ABAT: variants seen among roughly 807,000 people sequenced by gnomAD.
The protein encoded by ABAT is 4-aminobutyrate aminotransferase, mitochondrial.
ABAT carries 45 observed loss-of-function variants against 64.6 expected under a neutral mutation model. The observed-to-expected ratio is 0.70, with a 90% CI of 0.55 to 0.89. The LOEUF (loss-of-function observed/expected upper bound fraction) is 0.89, where lower values mean the gene tolerates loss of function less well. Ranked by LOEUF, ABAT falls within the 40% of genes least tolerant of loss-of-function variation. The probability of loss-of-function intolerance (pLI) is 0.00; values close to 1 mark genes in which losing one functional copy is unlikely to be tolerated. For synonymous variants in ABAT, 297 were observed against 250.5 expected, an observed-to-expected ratio of 1.19 and a Z score of -1.75; for missense variants, 633 against 658.4, an observed-to-expected ratio of 0.96 and a Z score of 0.42.
chr16:8,719,186 C>T (rs2058295872), intron 1 of ABAT, among the ~76,000 whole-genome samples: 1 of 152,120 alleles, frequency 6.6e-6, no homozygotes, highest in Non-Finnish European at 1.5e-5. Flanking sequence ...CACAGGTGTG[C>T]AGAAAGCATT....
chr16:8,735,869 G>T, intron 2 of ABAT, 60 bp downstream of exon 2: 1 of 1,458,458 alleles, frequency 6.9e-7, no homozygotes. Context: ...CCAGACTAGG[G>T]ATTCCTGGGC....
intron 1 of ABAT, chr16:8,705,426 T>A (rs140654467): frequency 1.3e-5 from 2 of 152,066 alleles, no homozygotes; most frequent in Non-Finnish European, 2.9e-5. Context: ...AAGATGAAAT[T>A]TGGGTGGGGA....
intron 6 of ABAT, among the ~76,000 whole-genome samples, chr16:8,760,798 C>T (rs1280434640): frequency 6.6e-6 from 1 of 152,190 alleles, no homozygotes; most frequent in African/African-American, 2.4e-5. Context: ...ATTCCGGCTG[C>T]ATGTGGTGGC....
At chr16:8,766,116 C>G (rs995097574) in intron 8 of ABAT, 92 bp from the exon 9 acceptor site, 2 of 1,242,764 alleles carry the variant, frequency 1.6e-6, no homozygotes, top group Non-Finnish European at 2.4e-6. Context: ...GCACTTTCTA[C>G]TTGTCTGGAC....
chr16:8,686,806 G>A (rs1309285890), intron 1 of ABAT, among the ~76,000 whole-genome samples: 1 of 152,176 alleles, frequency 6.6e-6, no homozygotes, highest in East Asian at 1.9e-4. Context: ...TGCACCTAAT[G>A]ATCACAGCAG....
At chr16:8,771,057 A>G (rs2060091345) in intron 11 of ABAT, among the ~76,000 whole-genome samples, 1 of 152,146 alleles carries the variant, frequency 6.6e-6, no homozygotes, top group African/African-American at 2.4e-5. Flanking sequence ...ACACTTTGGG[A>G]GGTTGAGGCG....
intron 1 of ABAT, among the ~76,000 whole-genome samples, chr16:8,682,352 G>A (rs1211798188): frequency 6.6e-6 from 1 of 152,104 alleles, no homozygotes; most frequent in Non-Finnish European, 1.5e-5. Context: ...TGAATGAATG[G>A]ATGAATAAAT....
intron 1 of ABAT, among the ~76,000 whole-genome samples, chr16:8,732,761 C>G (rs2058771776): frequency 6.6e-6 from 1 of 150,718 alleles, no homozygotes; most frequent in South Asian, 2.1e-4. Context: ...GGGGTGGTGG[C>G]CGGGCAGAGG....
intron 5 of ABAT, among the ~76,000 whole-genome samples, chr16:8,753,645 A>G (rs1641015): frequency 0.93 from 140,895 of 152,266 alleles, 65,963 homozygotes; most frequent in East Asian, 1. Flanking sequence ...GTGATAAGGA[A>G]CCAGGACTTA....
intron 8 of ABAT, among the ~76,000 whole-genome samples, chr16:8,765,352 G>A (rs569692187): frequency 4.4e-4 from 65 of 148,306 alleles, no homozygotes; most frequent in Admixed American, 6.1e-4. Context: ...AAAAAAAGAA[G>A]AAGAAAATGC....
At chr16:8,778,024 T>C (rs1403776000) in intron 14 of ABAT, among the ~76,000 whole-genome samples, 1 of 152,158 alleles carries the variant, frequency 6.6e-6, no homozygotes, top group Non-Finnish European at 1.5e-5. Flanking sequence ...AATAGGACCA[T>C]GTCTCCAGTT....
intron 8 of ABAT, among the ~76,000 whole-genome samples, chr16:8,765,355 G>GA (rs1351271068): frequency 6.7e-6 from 1 of 148,836 alleles, no homozygotes; most frequent in African/African-American, 2.5e-5. Flanking sequence ...AAAAGAAGAA[G>GA]AAAATGCTCC....
At position 8,768,114 on chromosome 16, in the gene ABAT, C is replaced by A. The variant is rs1416725575; in HGVS notation, c.604-79C>A. 7.6e-6 allele frequency: 11 copies of A among 1,440,534 alleles called. No homozygotes were observed. In the Admixed American group the frequency reaches 1.9e-4, roughly 24 times the overall value. The allele number at this position is 1,440,534 out of a possible 1,614,324, so 89.2% of individuals were successfully genotyped here. ...GGTTCTTCTGATAGATTTCTGTGTC[C>A]CTCTGGACTTGCAGGGGCAACAATA... On this transcript the variant is annotated intron_variant, in intron 9 of 15. Transcript: ENST00000268251.
At chr16:8,772,252 CTGTGTGTGTGTGTGTGTGTGTGTGTG>C (rs55677241) in intron 11 of ABAT, among the ~76,000 whole-genome samples, 3,564 of 147,960 alleles carry the variant, frequency 0.024, 150 homozygotes, top group African/African-American at 0.083. Context: ...CTCTCTGTCT[CTGTGTGTGTGTGTGTGTGTGTGTGTG>C]TGTGTGTGTG....
At position 8,776,513 on chromosome 16, in the gene ABAT, G is replaced by GC. The variant is rs751753847; in HGVS notation, c.1269+28dup. ...CAGGTAACACCCCCTCCCCTGCCCC[G>GC]CCCCCACCACCCATGGCTCCCCGCA... On this transcript the variant is annotated intron_variant, in intron 14 of 15. Coordinates refer to ENST00000268251, the MANE Select transcript of ABAT (RefSeq NM_020686.6). The surrounding 1 kb of genome is among the most constrained non-coding windows in gnomAD (Gnocchi z 4.4). The GC allele has an allele frequency of 3.6e-6, 4 of 1,125,470 alleles. No homozygotes were observed. The East Asian group carries it at 1.2e-4, about 33-fold the overall frequency. 69.7% of individuals were successfully genotyped at this position (1,125,470 alleles called of 1,614,324 possible).
At chr16:8,698,050 G>A (rs1389474409) in intron 1 of ABAT, among the ~76,000 whole-genome samples, 1 of 152,150 alleles carries the variant, frequency 6.6e-6, no homozygotes, top group East Asian at 1.9e-4. Context: ...ACTTTCTGGA[G>A]CTGCCGCAAA....
At chr16:8,710,807 T>G (rs1365786455) in intron 1 of ABAT, among the ~76,000 whole-genome samples, 1 of 151,810 alleles carries the variant, frequency 6.6e-6, no homozygotes, top group Admixed American at 6.6e-5. Flanking sequence ...ACCCTCTGGA[T>G]TCTCTCAACT....
chr16:8,734,400 AAAAT>A (rs147833240), intron 1 of ABAT, among the ~76,000 whole-genome samples: 1,993 of 152,306 alleles, frequency 0.013, 52 homozygotes, highest in African/African-American at 0.046. Context: ...TACTTGTTGC[AAAAT>A]AAATAGAGGG....
intron 2 of ABAT, among the ~76,000 whole-genome samples, chr16:8,742,056 G>A (rs1044973703): frequency 5.9e-5 from 9 of 152,166 alleles, no homozygotes; most frequent in Non-Finnish European, 8.8e-5. Context: ...AAACATGATA[G>A]GAGCTGATAC....
Sources: gnomAD v4.1 joint callset for allele counts (sites outside exome capture counted in the v4.1 genomes callset) on GRCh38, gnomAD v4.1.1 for gene constraint, Gnocchi (gnomAD v3.1) non-coding constraint, MANE v1.5 for transcripts, NCBI Gene and HGNC (gene_info 2026-07-23, HGNC 2026-07-21) for gene names.